Variants in CFAP54 observed in about 807,000 individuals in gnomAD.
CFAP54 encodes cilia- and flagella-associated protein 54.
Under a neutral mutation model 370.4 loss-of-function variants are expected in CFAP54, and 290 were observed. That is an observed-to-expected ratio of 0.78 (90% confidence interval 0.71 to 0.86). The LOEUF is 0.86. Ranked by LOEUF, CFAP54 falls within the 40% of genes least tolerant of loss-of-function variation. The probability of loss-of-function intolerance (pLI) is 0.00; values close to 1 mark genes in which losing one functional copy is unlikely to be tolerated. For synonymous variants in CFAP54, 1,206 were observed against 1,236.5 expected (o/e 0.98, Z 0.52); for missense variants, 3,399 against 3,528.7 (o/e 0.96, Z 0.93).
Position 96,747,819 on chromosome 12 carries a change from T to C in CFAP54, c.7684+3673T>C, listed in dbSNP as rs1164076682. Among the ~76,000 whole-genome samples the C allele has an allele frequency of 2.0e-5, 3 of 152,330 alleles. No individual in the cohort carries two copies. The East Asian group carries it at 5.8e-4, about 29-fold the overall frequency. ...ATAATGAAATGAAATCAAATATATA[T>C]AGTATTAAACAGTGCCTGGCACACA... On this transcript the variant is annotated intron_variant, in intron 55 of 67. Transcript: ENST00000524981.
intron 66 of CFAP54, among the ~76,000 whole-genome samples, chr12:96,841,064 G>A (rs1377353230): frequency 6.6e-6 from 1 of 152,224 alleles, no homozygotes; most frequent in Non-Finnish European, 1.5e-5. Context: ...AAGCCTTTGT[G>A]TTATCCGTGC....
At chr12:96,516,344 A>G (rs541465312) in intron 5 of CFAP54, among the ~76,000 whole-genome samples, 1 of 139,948 alleles carries the variant, frequency 7.1e-6, no homozygotes. Context: ...AGAATAATGC[A>G]TGTCTGTTGA....
At chr12:96,684,320 C>T (rs1019841805) in intron 40 of CFAP54, among the ~76,000 whole-genome samples, 5 of 152,096 alleles carry the variant, frequency 3.3e-5, no homozygotes, top group Non-Finnish European at 7.4e-5. Context: ...CCAGTCATGC[C>T]CATCATTCCT....
chr12:96,758,468 AGT>A (rs1243658952), intron 58 of CFAP54, among the ~76,000 whole-genome samples: 1 of 152,176 alleles, frequency 6.6e-6, no homozygotes, highest in Non-Finnish European at 1.5e-5. Context: ...CCATGAGAAC[AGT>A]ATGGGAGAAA....
intron 67 of CFAP54, among the ~76,000 whole-genome samples, chr12:96,868,182 T>A (rs899097397): frequency 2.0e-5 from 3 of 152,114 alleles, no homozygotes; most frequent in Non-Finnish European, 4.4e-5. Context: ...TCACACTCAT[T>A]CTATTTTGCA....
chr12:96,621,870 G>GGTTT (rs1212010932), intron 27 of CFAP54, 149 bp downstream of exon 27: 2,590 of 99,684 alleles, frequency 0.026, 94 homozygotes, highest in Middle Eastern at 0.074. Context: ...AGAGCTTTTG[G>GGTTT]GTTTGTTTTT....
At chr12:96,811,091 A>C (rs1465127719) in intron 63 of CFAP54, among the ~76,000 whole-genome samples, 2 of 152,162 alleles carry the variant, frequency 1.3e-5, no homozygotes, top group Non-Finnish European at 2.9e-5. Context: ...AGCTCTGGAC[A>C]ATAGCTTTCT....
intron 9 of CFAP54, among the ~76,000 whole-genome samples, chr12:96,533,507 C>A (rs751629106): frequency 2.6e-5 from 4 of 152,160 alleles, no homozygotes; most frequent in Non-Finnish European, 5.9e-5. Flanking sequence ...CAACCTGTAT[C>A]TAGGAACTCT....
At chr12:96,663,426 AAGTT>A (rs1249042193) in intron 38 of CFAP54, among the ~76,000 whole-genome samples, 3 of 152,172 alleles carry the variant, frequency 2.0e-5, no homozygotes, top group Non-Finnish European at 1.5e-5. Flanking sequence ...ACTACAGAGG[AAGTT>A]AGTTCTGAAA....
At chr12:96,539,777 A>G (rs1030715412) in intron 13 of CFAP54, among the ~76,000 whole-genome samples, 2 of 152,192 alleles carry the variant, frequency 1.3e-5, no homozygotes, top group Non-Finnish European at 2.9e-5. Flanking sequence ...ACAGAGACGT[A>G]AGAGTGTCAG....
At chr12:96,699,729 C>T (rs894865614) in intron 45 of CFAP54, among the ~76,000 whole-genome samples, 1 of 152,068 alleles carries the variant, frequency 6.6e-6, no homozygotes. Flanking sequence ...TGATAAATGT[C>T]CATTGTTTTG....
intron 27 of CFAP54, among the ~76,000 whole-genome samples, chr12:96,622,656 T>C (rs918138635): frequency 1.3e-5 from 2 of 152,110 alleles, no homozygotes; most frequent in African/African-American, 4.8e-5. Context: ...GGCCAGTTCA[T>C]TGGGTTTCTG....
At chr12:96,533,005 T>G (rs1955456949) in intron 9 of CFAP54, among the ~76,000 whole-genome samples, 1 of 152,162 alleles carries the variant, frequency 6.6e-6, no homozygotes. Context: ...GTTTTCATTG[T>G]TCCTAAGTAT....
At chr12:96,603,355 G>A (rs891586873) in intron 26 of CFAP54, among the ~76,000 whole-genome samples, 5 of 152,158 alleles carry the variant, frequency 3.3e-5, no homozygotes, top group Admixed American at 6.5e-5. Context: ...CCCTTTGTGG[G>A]TAACCCTACC....
At chr12:96,665,870 T>C (rs986634749) in intron 39 of CFAP54, among the ~76,000 whole-genome samples, 2 of 152,202 alleles carry the variant, frequency 1.3e-5, no homozygotes, top group African/African-American at 4.8e-5. Flanking sequence ...TCAATGGTAG[T>C]TCAATAGGAA....
chr12:96,744,769 A>G (rs912317343), intron 55 of CFAP54, among the ~76,000 whole-genome samples: 3 of 152,098 alleles, frequency 2.0e-5, no homozygotes, highest in African/African-American at 7.2e-5. Flanking sequence ...ATATAGGTAA[A>G]TGTGTGCCAT....
At chr12:96,531,684 T>C (rs1302758123) in intron 9 of CFAP54, among the ~76,000 whole-genome samples, 1 of 152,194 alleles carries the variant, frequency 6.6e-6, no homozygotes, top group Non-Finnish European at 1.5e-5. Flanking sequence ...TGTTTACCTA[T>C]TTAATTATTT....
At chr12:96,811,698 TGATGTC>T in intron 63 of CFAP54, 32 bp from the exon 64 acceptor site, 1 of 1,068,234 alleles carries the variant, frequency 9.4e-7, no homozygotes, top group Non-Finnish European at 1.3e-6. Context: ...ACTCTAATTT[TGATGTC>T]ACATTTTATA....
At chr12:96,559,567 C>G (rs1020244703) in intron 17 of CFAP54, among the ~76,000 whole-genome samples, 1 of 152,026 alleles carries the variant, frequency 6.6e-6, no homozygotes, top group Admixed American at 6.6e-5. Flanking sequence ...CTGTCTTTCT[C>G]TTTACATGCA....
Sources: gnomAD v4.1 joint callset for allele counts (sites outside exome capture counted in the v4.1 genomes callset) on GRCh38, gnomAD v4.1.1 for gene constraint, MANE v1.5 for transcripts, NCBI Gene and HGNC (gene_info 2026-07-23, HGNC 2026-07-21) for gene names.